TNFSF4: variants seen among roughly 807,000 people sequenced by gnomAD.
The protein encoded by TNFSF4 is tumor necrosis factor ligand superfamily member 4.
TNFSF4 carries 4 observed loss-of-function variants against 7.3 expected under a neutral mutation model. That is an observed-to-expected ratio of 0.55 (90% CI 0.27 to 1.25). TNFSF4 has a LOEUF of 1.25. Ranked by LOEUF, TNFSF4 falls within the 50% of genes most tolerant of loss-of-function variation. The pLI is 0.12. For missense variants in TNFSF4, 181 were observed against 208.8 expected (o/e 0.87, Z 0.82); for synonymous variants, 76 against 83.7 (o/e 0.91, Z 0.50).
At chr1:173,318,046 T>C in the TNFSF4 span, among the ~76,000 whole-genome samples, 2 of 152,032 alleles carry the variant, frequency 1.3e-5, no homozygotes, top group Middle Eastern at 3.2e-3. Context: ...GAAAGAAAAA[T>C]AGCACTTCAA....
chr1:173,244,439 G>C, the TNFSF4 span, among the ~76,000 whole-genome samples: 2 of 151,764 alleles, frequency 1.3e-5, no homozygotes, highest in Admixed American at 1.3e-4. Flanking sequence ...TCAGGAGATC[G>C]AGACCATCCC....
chr1:173,385,656 A>C, the TNFSF4 span, among the ~76,000 whole-genome samples: 61 of 152,224 alleles, frequency 4.0e-4, no homozygotes, highest in Middle Eastern at 3.4e-3. Flanking sequence ...TGGCCAACAT[A>C]GCAAAACCCT....
At chr1:173,226,278 G>A in the TNFSF4 span, among the ~76,000 whole-genome samples, 1 of 152,134 alleles carries the variant, frequency 6.6e-6, no homozygotes, top group Non-Finnish European at 1.5e-5. Flanking sequence ...CTGGCAGTTG[G>A]GTATGGCCAC....
the TNFSF4 span, among the ~76,000 whole-genome samples, chr1:173,233,926 CA>C: frequency 6.6e-6 from 1 of 152,112 alleles, no homozygotes; most frequent in African/African-American, 2.4e-5. Flanking sequence ...GCAATGGCAA[CA>C]AAAGCCAAAA....
chr1:173,234,846 C>T, the TNFSF4 span, among the ~76,000 whole-genome samples: 232 of 152,074 alleles, frequency 1.5e-3, 1 homozygote, highest in African/African-American at 4.8e-3. Context: ...CCAATGTAAA[C>T]GACGAGTTAA....
intron 1 of TNFSF4, among the ~76,000 whole-genome samples, chr1:173,198,371 A>G (rs1301391110): frequency 6.6e-6 from 1 of 152,248 alleles, no homozygotes; most frequent in Non-Finnish European, 1.5e-5. Flanking sequence ...TTCAAAAGCG[A>G]GATAGATTTC....
chr1:173,366,992 C>T, the TNFSF4 span, among the ~76,000 whole-genome samples: 2 of 152,158 alleles, frequency 1.3e-5, no homozygotes, highest in African/African-American at 4.8e-5. Context: ...TGGGAGGGGC[C>T]CTCGCATGAG....
At chr1:173,326,800 C>A in the TNFSF4 span, among the ~76,000 whole-genome samples, 1 of 152,082 alleles carries the variant, frequency 6.6e-6, no homozygotes, top group African/African-American at 2.4e-5. Context: ...CCTAGGAATC[C>A]AACTTACAAG....
At chr1:173,319,989 C>T in the TNFSF4 span, among the ~76,000 whole-genome samples, 1 of 152,174 alleles carries the variant, frequency 6.6e-6, no homozygotes, top group East Asian at 1.9e-4. Flanking sequence ...GGGCACAAAA[C>T]TGGATGGAGA....
At chr1:173,433,799 C>T in the TNFSF4 span, among the ~76,000 whole-genome samples, 3 of 152,156 alleles carry the variant, frequency 2.0e-5, no homozygotes, top group Non-Finnish European at 2.9e-5. Flanking sequence ...AAAATTCATA[C>T]ATTGAAGTCC....
the TNFSF4 span, among the ~76,000 whole-genome samples, chr1:173,320,202 A>T: frequency 6.6e-6 from 1 of 152,156 alleles, no homozygotes; most frequent in Non-Finnish European, 1.5e-5. Context: ...AAACATAATC[A>T]ATTACATAAA....
the TNFSF4 span, among the ~76,000 whole-genome samples, chr1:173,220,267 T>C: frequency 6.6e-6 from 1 of 152,266 alleles, no homozygotes; most frequent in Non-Finnish European, 1.5e-5. Context: ...ATATTTCTCT[T>C]AGCAAAAACT....
the TNFSF4 span, among the ~76,000 whole-genome samples, chr1:173,246,708 CT>C: frequency 2.0e-5 from 3 of 152,202 alleles, no homozygotes; most frequent in Admixed American, 1.3e-4. Context: ...ATGTAAAGAT[CT>C]TTTTTTCCTC....
chr1:173,305,239 C>A, the TNFSF4 span, among the ~76,000 whole-genome samples: 1 of 151,944 alleles, frequency 6.6e-6, no homozygotes, highest in East Asian at 1.9e-4. Context: ...TGGAAAAAAT[C>A]TTTCCTGTTA....
the TNFSF4 span, among the ~76,000 whole-genome samples, chr1:173,411,455 T>A: frequency 2.4e-4 from 36 of 152,332 alleles, no homozygotes; most frequent in Admixed American, 1.8e-3. Flanking sequence ...AGAATATAAA[T>A]TCCATGAGGA....
the TNFSF4 span, among the ~76,000 whole-genome samples, chr1:173,422,096 A>G: frequency 6.4e-3 from 973 of 152,280 alleles, 6 homozygotes; most frequent in Non-Finnish European, 0.011. Context: ...CAGAAAAAAA[A>G]GCGGCAACAA....
At chr1:173,429,279 G>A in the TNFSF4 span, among the ~76,000 whole-genome samples, 1 of 152,046 alleles carries the variant, frequency 6.6e-6, no homozygotes, top group South Asian at 2.1e-4. Flanking sequence ...AGAGAGAAAA[G>A]ACTGGCCCCC....
At chr1:173,375,828 CT>C in the TNFSF4 span, among the ~76,000 whole-genome samples, 1 of 152,272 alleles carries the variant, frequency 6.6e-6, no homozygotes, top group African/African-American at 2.4e-5. Context: ...AAGCTTTGTT[CT>C]TTCGCTCTTC....
the TNFSF4 span, among the ~76,000 whole-genome samples, chr1:173,293,849 A>G: frequency 6.6e-6 from 1 of 152,146 alleles, no homozygotes; most frequent in Non-Finnish European, 1.5e-5. Flanking sequence ...TGAAGCCAAC[A>G]AATATATTTA....
Sources: gnomAD v4.1 joint callset for allele counts (sites outside exome capture counted in the v4.1 genomes callset) on GRCh38, gnomAD v4.1.1 for gene constraint, MANE v1.5 for transcripts, NCBI Gene and HGNC (gene_info 2026-07-23, HGNC 2026-07-21) for gene names.